The following CEP112 variants were observed in gnomAD, a reference collection of about 807,000 sequenced individuals.
The protein encoded by CEP112 is centrosomal protein of 112 kDa.
Under a neutral mutation model 153.0 loss-of-function variants are expected in CEP112, and 127 were observed. That is an observed-to-expected ratio of 0.83 (90% confidence interval 0.72 to 0.96). The LOEUF (loss-of-function observed/expected upper bound fraction) is 0.96, where lower values mean the gene tolerates loss of function less well. CEP112 is among the 40% of genes least tolerant of loss of function. CEP112 has a pLI of 0.00. For missense variants in CEP112, 1,089 were observed against 1,101.2 expected, an observed-to-expected ratio of 0.99 and a Z score of 0.16; for synonymous variants, 358 against 374.4, an observed-to-expected ratio of 0.96 and a Z score of 0.51.
intron 18 of CEP112, among the ~76,000 whole-genome samples, chr17:65,937,548 C>G (rs1215291739): frequency 8.6e-6 from 1 of 115,970 alleles, no homozygotes; most frequent in Non-Finnish European, 1.8e-5. Flanking sequence ...CGGCCAGCCG[C>G]CCCGTCCGGG....
intron 3 of CEP112, 118 bp from the exon 4 acceptor site, chr17:66,175,334 TCAAA>T (rs898929823): frequency 2.0e-5 from 13 of 642,538 alleles, no homozygotes; most frequent in Middle Eastern, 3.7e-4. Context: ...TCAATTACAT[TCAAA>T]CATTTAAAAA....
chr17:66,022,370 C>T (rs148731454), intron 16 of CEP112, among the ~76,000 whole-genome samples: 276 of 152,120 alleles, frequency 1.8e-3, no homozygotes, highest in African/African-American at 6.6e-3. Context: ...CAAAGGAACA[C>T]AGTAATTTTC....
At chr17:65,875,601 A>G (rs941130928) in intron 20 of CEP112, among the ~76,000 whole-genome samples, 3 of 152,180 alleles carry the variant, frequency 2.0e-5, no homozygotes, top group African/African-American at 7.2e-5. Flanking sequence ...CAGTTGTGTC[A>G]CAATTTTTAA....
chr17:65,871,611 G>C (rs1211370404), intron 20 of CEP112, among the ~76,000 whole-genome samples: 1 of 152,076 alleles, frequency 6.6e-6, no homozygotes, highest in Non-Finnish European at 1.5e-5. Flanking sequence ...CTCCAGCCTG[G>C]GTGACAGAGC....
chr17:65,873,869 A>G (rs1158196607), intron 20 of CEP112, among the ~76,000 whole-genome samples: 1 of 152,200 alleles, frequency 6.6e-6, no homozygotes, highest in African/African-American at 2.4e-5. Context: ...TGCCTTGAAT[A>G]TGGGTATATA....
At position 65,741,323 on chromosome 17, in the gene CEP112, T is replaced by C. The variant is rs116192822; in HGVS notation, c.2607+1745A>G. Among the ~76,000 whole-genome samples the C allele has an allele frequency of 3.8e-3, 567 of 149,722 alleles. 4 individuals carry two copies. Among genetic ancestry groups the C allele is most frequent in the African/African-American group, 0.014 (547 of 39,458 alleles). The stretch of plus-strand genomic sequence containing the variant: ...AATAAACACTAATGAATCAATTACC[T>C]TAGCAACTTTAATATAGGTTAGTAA... On this transcript the variant is annotated intron_variant, in intron 23 of 26. Transcript: ENST00000535342.
chr17:65,731,684 CA>C (rs2050515972), intron 23 of CEP112, among the ~76,000 whole-genome samples: 1 of 152,172 alleles, frequency 6.6e-6, no homozygotes, highest in Non-Finnish European at 1.5e-5. Flanking sequence ...CAAATCCTGC[CA>C]CTGCTTTATC....
intron 23 of CEP112, among the ~76,000 whole-genome samples, chr17:65,726,644 C>G (rs2050198503): frequency 6.6e-6 from 1 of 152,118 alleles, no homozygotes; most frequent in Admixed American, 6.5e-5. Flanking sequence ...AGAGTTTGAT[C>G]ATGATGTTAT....
intron 19 of CEP112, among the ~76,000 whole-genome samples, chr17:65,918,868 C>T (rs748176855): frequency 4.6e-5 from 7 of 152,172 alleles, no homozygotes; most frequent in Non-Finnish European, 1.0e-4. Flanking sequence ...TAAAATACTA[C>T]TTCGCTGTTT....
At chr17:65,885,084 T>A (rs761347733) in intron 20 of CEP112, among the ~76,000 whole-genome samples, 9 of 152,156 alleles carry the variant, frequency 5.9e-5, no homozygotes, top group Non-Finnish European at 1.3e-4. Flanking sequence ...TTATTAAGTC[T>A]GCACAATTAA....
chr17:66,154,553 C>T (rs1885111876), intron 4 of CEP112, among the ~76,000 whole-genome samples: 1 of 152,060 alleles, frequency 6.6e-6, no homozygotes, highest in South Asian at 2.1e-4. Context: ...AATGCTAGAT[C>T]AAACACATAT....
intron 23 of CEP112, among the ~76,000 whole-genome samples, chr17:65,737,095 T>C (rs2050846769): frequency 6.6e-6 from 1 of 152,204 alleles, no homozygotes; most frequent in Non-Finnish European, 1.5e-5. Context: ...TTAAATGTTA[T>C]AAAGAAGTCA....
At chr17:65,986,256 C>A (rs2063403223) in intron 17 of CEP112, among the ~76,000 whole-genome samples, 2 of 152,034 alleles carry the variant, frequency 1.3e-5, no homozygotes, top group South Asian at 4.1e-4. Context: ...GAATCTCCAA[C>A]AACTATAAAG....
At chr17:65,847,494 CT>C (rs2057771261) in intron 21 of CEP112, among the ~76,000 whole-genome samples, 1 of 152,190 alleles carries the variant, frequency 6.6e-6, no homozygotes. Context: ...GCTACAAGGT[CT>C]TTTCAAGTCT....
intron 17 of CEP112, among the ~76,000 whole-genome samples, chr17:66,004,990 G>A (rs75034994): frequency 0.04 from 6,078 of 152,200 alleles, 168 homozygotes; most frequent in South Asian, 0.11. Context: ...CAAATGTCTT[G>A]AATATTTCTC....
chr17:65,747,833 G>C (rs774959975), intron 22 of CEP112, among the ~76,000 whole-genome samples: 2 of 152,118 alleles, frequency 1.3e-5, no homozygotes, highest in Non-Finnish European at 2.9e-5. Flanking sequence ...ATAAAATCAT[G>C]AAAAGTAAGC....
At chr17:65,827,950 C>T (rs2056908687) in intron 21 of CEP112, among the ~76,000 whole-genome samples, 1 of 152,134 alleles carries the variant, frequency 6.6e-6, no homozygotes, top group South Asian at 2.1e-4. Flanking sequence ...CCCTGGTACT[C>T]GAGAGTCTCC....
chr17:65,902,361 C>T (rs1256721615), intron 19 of CEP112, 27 bp from the exon 20 acceptor site: 13 of 1,582,562 alleles, frequency 8.2e-6, no homozygotes, highest in Non-Finnish European at 1.0e-5. Context: ...GAGGACAGTT[C>T]ATCAACAGAA....
chr17:65,991,572 C>T (rs1418745767), intron 17 of CEP112, among the ~76,000 whole-genome samples: 1 of 152,046 alleles, frequency 6.6e-6, no homozygotes, highest in Admixed American at 6.6e-5. Flanking sequence ...TAGAACTAAT[C>T]TTTCAAGAAT....
Sources: allele counts gnomAD v4.1 joint callset (sites outside exome capture counted in the v4.1 genomes callset), GRCh38; gene constraint gnomAD v4.1.1; transcripts MANE v1.5; gene names NCBI Gene and HGNC (gene_info 2026-07-23, HGNC 2026-07-21).